The following RELN variants were observed in gnomAD, a reference collection of about 807,000 sequenced individuals.
RELN encodes reelin.
RELN carries 108 observed loss-of-function variants against 427.6 expected under a neutral mutation model. The observed-to-expected ratio is 0.25, with a 90% CI of 0.22 to 0.30. RELN has a LOEUF of 0.30. Ranked by LOEUF, RELN falls within the 10% of genes least tolerant of loss-of-function variation. The probability of loss-of-function intolerance (pLI) is 1.00; values close to 1 mark genes in which losing one functional copy is unlikely to be tolerated. For missense variants in RELN, 3,715 were observed against 4,302.8 expected (o/e 0.86, Z 3.82); for synonymous variants, 1,524 against 1,513.4 (o/e 1.01, Z -0.16).
At chr7:103,958,969 G>C (rs187670387) in intron 1 of RELN, among the ~76,000 whole-genome samples, 78 of 152,156 alleles carry the variant, frequency 5.1e-4, no homozygotes, top group African/African-American at 1.7e-3. Context: ...TTTTTCCTTT[G>C]TTTTTTGAGA....
At chr7:103,741,839 C>T (rs1790668664) in intron 6 of RELN, among the ~76,000 whole-genome samples, 2 of 152,168 alleles carry the variant, frequency 1.3e-5, no homozygotes, top group African/African-American at 4.8e-5. Context: ...ATAGGAACAG[C>T]TCCGGTCTAC....
intron 20 of RELN, among the ~76,000 whole-genome samples, chr7:103,629,178 C>A (rs1832396857): frequency 6.6e-6 from 1 of 152,168 alleles, no homozygotes; most frequent in African/African-American, 2.4e-5. Context: ...CTCCGAGAAG[C>A]CTCTCGGGAG....
intron 12 of RELN, among the ~76,000 whole-genome samples, chr7:103,655,816 C>A (rs1185402074): frequency 6.6e-6 from 1 of 152,070 alleles, no homozygotes; most frequent in Non-Finnish European, 1.5e-5. Context: ...CACAGTGGAA[C>A]AGGATGCATC....
intron 1 of RELN, among the ~76,000 whole-genome samples, chr7:103,982,965 T>A (rs1797022855): frequency 6.6e-6 from 1 of 152,232 alleles, no homozygotes; most frequent in Non-Finnish European, 1.5e-5. Context: ...CTAGCTATAA[T>A]AAAATTTTAT....
intron 2 of RELN, among the ~76,000 whole-genome samples, chr7:103,872,962 A>C (rs892030950): frequency 2.2e-4 from 33 of 151,912 alleles, no homozygotes; most frequent in South Asian, 6.3e-4. Flanking sequence ...TCTGGATATT[A>C]GCCCTTTGTC....
chr7:103,535,100 T>C (rs1465056744), intron 46 of RELN, among the ~76,000 whole-genome samples: 1 of 152,198 alleles, frequency 6.6e-6, no homozygotes, highest in African/African-American at 2.4e-5. Flanking sequence ...TAAAAGTCAG[T>C]AAAGGCCTGG....
At chr7:103,947,696 A>G (rs1294829679) in intron 1 of RELN, among the ~76,000 whole-genome samples, 1 of 152,228 alleles carries the variant, frequency 6.6e-6, no homozygotes, top group East Asian at 1.9e-4. Flanking sequence ...ATACAGTAAC[A>G]TAGTAAAATG....
chr7:103,918,558 A>G (rs1210808596), intron 1 of RELN, among the ~76,000 whole-genome samples: 1 of 152,168 alleles, frequency 6.6e-6, no homozygotes, highest in Non-Finnish European at 1.5e-5. Flanking sequence ...AACTCCATCA[A>G]GGCAGGCATC....
intron 8 of RELN, among the ~76,000 whole-genome samples, chr7:103,702,266 C>G (rs955078075): frequency 2.0e-5 from 3 of 152,148 alleles, no homozygotes. Context: ...GGACAAACTT[C>G]AATACAAACA....
intron 10 of RELN, among the ~76,000 whole-genome samples, chr7:103,685,022 G>A (rs1362978213): frequency 6.6e-6 from 1 of 152,040 alleles, no homozygotes; most frequent in African/African-American, 2.4e-5. Context: ...TTCATCTTCA[G>A]GGCAGACTGA....
intron 4 of RELN, among the ~76,000 whole-genome samples, chr7:103,769,805 T>C (rs1260526143): frequency 6.6e-6 from 1 of 152,238 alleles, no homozygotes; most frequent in Non-Finnish European, 1.5e-5. Flanking sequence ...AACACATCTA[T>C]TTCTTAATCA....
chr7:103,939,753 A>G (rs1796069596), intron 1 of RELN, among the ~76,000 whole-genome samples: 1 of 152,206 alleles, frequency 6.6e-6, no homozygotes, highest in Non-Finnish European at 1.5e-5. Flanking sequence ...TGTTCAAAGG[A>G]TGGTTATATT....
chr7:103,810,066 C>T (rs1238742354), intron 3 of RELN, among the ~76,000 whole-genome samples: 2 of 152,022 alleles, frequency 1.3e-5, no homozygotes, highest in Non-Finnish European at 2.9e-5. Flanking sequence ...TTAATAAATT[C>T]CCCACTTTTA....
At chr7:103,638,789 T>A (rs763507209) in intron 17 of RELN, among the ~76,000 whole-genome samples, 29 of 152,124 alleles carry the variant, frequency 1.9e-4, no homozygotes, top group Non-Finnish European at 2.4e-4. Context: ...AAAAGAACAA[T>A]GTCCAAAAGC....
At chr7:103,762,288 C>T (rs1791321948) in intron 4 of RELN, among the ~76,000 whole-genome samples, 1 of 152,148 alleles carries the variant, frequency 6.6e-6, no homozygotes, top group African/African-American at 2.4e-5. Context: ...AACGACCCTG[C>T]CAGCCCTAGA....
intron 1 of RELN, among the ~76,000 whole-genome samples, chr7:103,941,758 G>C (rs144654912): frequency 6.6e-6 from 1 of 151,982 alleles, no homozygotes; most frequent in Admixed American, 6.6e-5. Context: ...GGTAATCAAA[G>C]AGCTGGTGAC....
At chr7:103,671,263 A>C (rs1210443789) in intron 11 of RELN, among the ~76,000 whole-genome samples, 1 of 152,164 alleles carries the variant, frequency 6.6e-6, no homozygotes. Context: ...TAAAAGGATG[A>C]GCTCAATTTG....
chr7:103,732,332 G>A (rs1790375113), intron 6 of RELN, among the ~76,000 whole-genome samples: 1 of 152,090 alleles, frequency 6.6e-6, no homozygotes, highest in Non-Finnish European at 1.5e-5. Context: ...CCTTCAGTGT[G>A]TATCAATCCA....
In RELN at chr7:103,867,569, A is replaced by G. The variant is rs539063469; in HGVS notation, c.338-33897T>C. Among the ~76,000 whole-genome samples, 3 of 152,214 alleles carry G rather than the reference A, an allele frequency of 2.0e-5. No homozygotes were observed. In the South Asian group the frequency reaches 6.2e-4, roughly 32 times the overall value. ...ATACAAATTTAAGTGGGAAAATCTG[A>G]AAGTATTTCCTAGAAGAAAAATCAG... is the stretch of plus-strand genomic sequence containing the variant. On this transcript the variant is annotated intron_variant, in intron 2 of 64. Coordinates refer to ENST00000428762, the MANE Select transcript of RELN (RefSeq NM_005045.4).
Sources: gnomAD v4.1 joint callset for allele counts (sites outside exome capture counted in the v4.1 genomes callset) on GRCh38, gnomAD v4.1.1 for gene constraint, MANE v1.5 for transcripts, NCBI Gene and HGNC (gene_info 2026-07-23, HGNC 2026-07-21) for gene names.